PSD3: variants seen among roughly 807,000 people sequenced by gnomAD.
PSD3 encodes pleckstrin and Sec7 domain containing 3, also known as PH and SEC7 domain-containing protein 3.
A neutral mutation model predicts 105.5 loss-of-function variants in PSD3; 49 were observed. The ratio of observed to expected loss-of-function variants is 0.46; its 90% CI spans 0.37 to 0.59. The LOEUF (loss-of-function observed/expected upper bound fraction) is 0.59. Among genes scored for constraint, PSD3 ranks in the 20% least tolerant of loss-of-function variants. The probability of loss-of-function intolerance (pLI) is 0.00; values close to 1 mark genes in which losing one functional copy is unlikely to be tolerated. For missense variants in PSD3, 1,561 were observed against 1,263.8 expected, an observed-to-expected ratio of 1.24 and a Z score of -3.57; for synonymous variants, 557 against 457.8, an observed-to-expected ratio of 1.22 and a Z score of -2.77.
chr8:19,058,684 T>C (rs974291392), intron 1 of PSD3, among the ~76,000 whole-genome samples: 2 of 152,122 alleles, frequency 1.3e-5, no homozygotes, highest in Non-Finnish European at 2.9e-5. Flanking sequence ...AAGCACATTG[T>C]ACAAAAGTTT....
At chr8:18,909,922 C>T (rs949948238) in intron 2 of PSD3, among the ~76,000 whole-genome samples, 1 of 152,176 alleles carries the variant, frequency 6.6e-6, no homozygotes, top group Non-Finnish European at 1.5e-5. Flanking sequence ...GAGGCAGGGG[C>T]TTTAACTTTG....
chr8:18,683,840 C>A, intron 9 of PSD3: 1 of 765,288 alleles, frequency 1.3e-6, no homozygotes, highest in South Asian at 1.3e-5. Flanking sequence ...TGTGAGACTG[C>A]CGCCGGATAG....
chr8:18,782,731 C>T (rs182479903), intron 8 of PSD3, among the ~76,000 whole-genome samples: 4 of 152,240 alleles, frequency 2.6e-5, no homozygotes, highest in Non-Finnish European at 5.9e-5. Context: ...ATAATGTCTG[C>T]GGCTGCAACA....
chr8:18,605,347 G>A (rs1470279458), intron 11 of PSD3, among the ~76,000 whole-genome samples: 1 of 150,026 alleles, frequency 6.7e-6, no homozygotes, highest in African/African-American at 2.5e-5. Context: ...GGCCTTCTGG[G>A]TTTCAGACTT....
At chr8:18,893,637 G>A (rs6996596) in intron 2 of PSD3, among the ~76,000 whole-genome samples, 4,170 of 139,196 alleles carry the variant, frequency 0.03, 219 homozygotes, top group African/African-American at 0.097. Context: ...AAGCAGGATC[G>A]GAACTCCAGG....
At chr8:18,744,457 G>T (rs1585805928) in intron 9 of PSD3, among the ~76,000 whole-genome samples, 1 of 152,168 alleles carries the variant, frequency 6.6e-6, no homozygotes, top group African/African-American at 2.4e-5. Flanking sequence ...TTAATTACAT[G>T]AATAAAGTAT....
intron 2 of PSD3, among the ~76,000 whole-genome samples, chr8:18,918,022 G>A (rs923857520): frequency 6.6e-6 from 1 of 152,112 alleles, no homozygotes; most frequent in Non-Finnish European, 1.5e-5. Flanking sequence ...CCTACTTCCA[G>A]AATGATTTCC....
intron 1 of PSD3, among the ~76,000 whole-genome samples, chr8:18,949,979 A>G (rs1221653823): frequency 6.6e-6 from 1 of 152,204 alleles, no homozygotes; most frequent in South Asian, 2.1e-4. Context: ...TCAAAATGTC[A>G]TGACAAGACA....
chr8:18,749,392 T>C (rs957321313), intron 9 of PSD3, among the ~76,000 whole-genome samples: 2 of 152,186 alleles, frequency 1.3e-5, no homozygotes, highest in Admixed American at 1.3e-4. Flanking sequence ...CAGTTGAAAG[T>C]CATTTCTCTT....
At chr8:18,903,322 C>A (rs1229915409) in intron 2 of PSD3, among the ~76,000 whole-genome samples, 3 of 152,112 alleles carry the variant, frequency 2.0e-5, no homozygotes, top group Admixed American at 1.3e-4. Flanking sequence ...TGACTCTAGA[C>A]CCTGGGTTGG....
intron 1 of PSD3, among the ~76,000 whole-genome samples, chr8:19,064,324 G>A (rs923728186): frequency 2.6e-5 from 4 of 151,706 alleles, no homozygotes; most frequent in Admixed American, 6.6e-5. Flanking sequence ...TTTTTTCTCC[G>A]TTTTTGATTC....
At position 18,871,928 on chromosome 8, in the gene PSD3, G is replaced by C; in HGVS notation, c.936C>G (p.Asp312Glu). 1 of 1,614,150 alleles carries C rather than the reference G, an allele frequency of 6.2e-7. No homozygotes were observed. The highest frequency in any genetic ancestry group is 8.5e-7 in the Non-Finnish European group (1 of 1,180,016). ...QGVEILWTGG[D>E]KRETQHPIDF... ...CTATAGGATGCTGGGTCTCTCTCTT[G>C]TCTCCTCCTGTCCACAGTATTTCCA... Residue 312 changes from aspartate to glutamate, a missense_variant, in exon 3 of 16, where the codon GAC becomes GAG. Asp to Glu is a conservative substitution (Grantham distance 45). Transcript: ENST00000327040.
intron 2 of PSD3, among the ~76,000 whole-genome samples, chr8:18,919,381 C>T (rs1820839551): frequency 6.6e-6 from 1 of 152,088 alleles, no homozygotes; most frequent in Admixed American, 6.5e-5. Flanking sequence ...ACAGTTATTG[C>T]CCCTGACCCG....
At chr8:18,670,457 G>C (rs978684942) in intron 9 of PSD3, among the ~76,000 whole-genome samples, 3 of 152,300 alleles carry the variant, frequency 2.0e-5, no homozygotes, top group Admixed American at 2.0e-4. Flanking sequence ...AAGAGAAAAA[G>C]GGAAACAGCA....
At chr8:18,958,849 T>C (rs1412691233) in intron 1 of PSD3, among the ~76,000 whole-genome samples, 1 of 151,980 alleles carries the variant, frequency 6.6e-6, no homozygotes, top group African/African-American at 2.4e-5. Flanking sequence ...AGAATAAACA[T>C]CATACTTAAT....
intron 9 of PSD3, among the ~76,000 whole-genome samples, chr8:18,752,511 A>AAT (rs1805599889): frequency 5.2e-5 from 3 of 57,648 alleles, no homozygotes; most frequent in South Asian, 3.9e-4. Flanking sequence ...AATATATATA[A>AAT]TATATGTAAT....
chr8:18,991,929 A>T (rs1029290389), intron 1 of PSD3, among the ~76,000 whole-genome samples: 2 of 152,110 alleles, frequency 1.3e-5, no homozygotes, highest in South Asian at 2.1e-4. Context: ...ACCCTCAAAA[A>T]CACTCCTACG....
At chr8:19,032,891 G>C (rs34648612) in intron 1 of PSD3, among the ~76,000 whole-genome samples, 57,300 of 151,884 alleles carry the variant, frequency 0.38, 11,145 homozygotes, top group Admixed American at 0.44. Flanking sequence ...AAGAAGGCTA[G>C]TTTAATGGTC....
chr8:18,844,354 A>T (rs1024184093), intron 4 of PSD3, among the ~76,000 whole-genome samples: 1 of 152,180 alleles, frequency 6.6e-6, no homozygotes, highest in Non-Finnish European at 1.5e-5. Context: ...AAATAATTTA[A>T]GATAGACACT....
Sources: gnomAD v4.1 joint callset for allele counts (sites outside exome capture counted in the v4.1 genomes callset) on GRCh38, gnomAD v4.1.1 for gene constraint, MANE v1.5 for transcripts, NCBI Gene and HGNC (gene_info 2026-07-23, HGNC 2026-07-21) for gene names.